The following GALNT11 variants were observed in gnomAD, a reference collection of about 807,000 sequenced individuals.
The protein encoded by GALNT11 is polypeptide N-acetylgalactosaminyltransferase 11.
A neutral mutation model predicts 72.7 loss-of-function variants in GALNT11; 47 were observed. The observed-to-expected ratio is 0.65, with a 90% CI of 0.51 to 0.82. GALNT11 has a LOEUF of 0.82. Ranked by LOEUF, GALNT11 falls within the 40% of genes least tolerant of loss-of-function variation. GALNT11 has a pLI of 0.00. For synonymous variants in GALNT11, 270 were observed against 286.6 expected (o/e 0.94, Z 0.58); for missense variants, 677 against 778.4 (o/e 0.87, Z 1.55).
intron 9 of GALNT11, 26 bp downstream of exon 9, chr7:152,117,401 G>T: frequency 6.2e-7 from 1 of 1,611,264 alleles, no homozygotes; most frequent in Non-Finnish European, 8.5e-7. Context: ...TTTCCAAGTG[G>T]CTTATGAAAA....
At chr7:152,108,982 T>C (rs963121404) in intron 6 of GALNT11, among the ~76,000 whole-genome samples, 2 of 150,792 alleles carry the variant, frequency 1.3e-5, no homozygotes, top group Non-Finnish European at 2.9e-5. Flanking sequence ...CCCAATTTAT[T>C]TGTTATTGTT....
rs1489497795 is a variant in GALNT11 at position 152,025,705 on chromosome 7, G to T, written c.-218G>T. The T allele has an allele frequency of 6.6e-6, 1 of 150,424 alleles. No individual in the cohort carries two copies. Among genetic ancestry groups the T allele is most frequent in the Non-Finnish European group, 1.5e-5 (1 of 67,434 alleles). The allele number at this position is 150,424 out of a possible 1,614,324, so 9.3% of individuals were successfully genotyped here. A position where few individuals can be genotyped will look rare whatever the true frequency, so the allele number is the denominator to read the frequency against. On this transcript the variant is annotated 5_prime_UTR_variant, in exon 1 of 12. Coordinates refer to ENST00000430044, the MANE Select transcript of GALNT11 (RefSeq NM_022087.4). ...GCAGCGGCTCGGGGACTGGGCGAGG[G>T]CCCTGGGCCTGAGGAGGCGCGGCCG... is the stretch of plus-strand genomic sequence containing the variant.
Position 152,025,839 on chromosome 7 carries a change from C to T in GALNT11, c.-84C>T, listed in dbSNP as rs2081978476. The T allele has an allele frequency of 7.0e-6, 2 of 284,246 alleles. No individual in the cohort carries two copies. The highest frequency in any genetic ancestry group is 4.5e-5 in the African/African-American group (2 of 44,438). 17.6% of individuals were successfully genotyped at this position (284,246 alleles called of 1,614,324 possible). ...GGCTGTGGCGGGAGAGAAGATGCCG[C>T]AGCCCGAGTCCCAGAAGGCGGCGAT... is the stretch of plus-strand genomic sequence containing the variant. On this transcript the variant is annotated 5_prime_UTR_variant, in exon 1 of 12. It introduces an in-frame stop codon into an upstream open reading frame of the 5' UTR. Coordinates refer to ENST00000430044, the MANE Select transcript of GALNT11 (RefSeq NM_022087.4).
At chr7:152,082,549 C>T (rs998660220) in intron 1 of GALNT11, among the ~76,000 whole-genome samples, 2 of 152,248 alleles carry the variant, frequency 1.3e-5, no homozygotes, top group Admixed American at 6.5e-5. Flanking sequence ...TGACCTAATG[C>T]TTGCTTGGAC....
chr7:152,113,811 A>ACTG (rs1024286980), intron 8 of GALNT11, among the ~76,000 whole-genome samples: 1 of 136,968 alleles, frequency 7.3e-6, no homozygotes, highest in Non-Finnish European at 1.5e-5. Flanking sequence ...ATCACGGCTC[A>ACTG]CTGCAGCCTC....
At chr7:152,041,593 C>T (rs2082862072) in intron 1 of GALNT11, among the ~76,000 whole-genome samples, 1 of 152,176 alleles carries the variant, frequency 6.6e-6, no homozygotes, top group South Asian at 2.1e-4. Context: ...GAAAAATTAG[C>T]AAATCTAGAG....
intron 8 of GALNT11, among the ~76,000 whole-genome samples, chr7:152,116,332 C>T (rs1292589290): frequency 6.6e-6 from 1 of 152,122 alleles, no homozygotes; most frequent in East Asian, 1.9e-4. Flanking sequence ...TTCACTGCAA[C>T]CTCCACCTCC....
chr7:152,056,686 G>A (rs2083697265), intron 1 of GALNT11, among the ~76,000 whole-genome samples: 1 of 152,128 alleles, frequency 6.6e-6, no homozygotes, highest in South Asian at 2.1e-4. Flanking sequence ...CCATGAGAAT[G>A]GACTCTGGAG....
At chr7:152,104,131 C>G (rs899271431) in intron 4 of GALNT11, 1 of 152,224 alleles carries the variant, frequency 6.6e-6, no homozygotes, top group South Asian at 2.1e-4. Context: ...TCATTCAGCT[C>G]TCAGTGACCT....
chr7:152,055,871 CAA>C (rs1167449847), intron 1 of GALNT11, among the ~76,000 whole-genome samples: 1 of 151,960 alleles, frequency 6.6e-6, no homozygotes, highest in African/African-American at 2.4e-5. Flanking sequence ...GAAATAATAT[CAA>C]GAGATCTTGT....
intron 1 of GALNT11, among the ~76,000 whole-genome samples, chr7:152,062,746 C>T (rs1027278964): frequency 5.9e-5 from 9 of 151,934 alleles, no homozygotes; most frequent in African/African-American, 7.3e-5. Flanking sequence ...GTCTTTGTTC[C>T]GTTTATATGG....
At chr7:152,046,185 A>G (rs1306326376) in intron 1 of GALNT11, among the ~76,000 whole-genome samples, 1 of 152,126 alleles carries the variant, frequency 6.6e-6, no homozygotes, top group Non-Finnish European at 1.5e-5. Context: ...TTGAATTTTT[A>G]AAAACTTGCT....
At position 152,044,302 on chromosome 7, in the gene GALNT11, G is replaced by A. The variant is rs527693946; in HGVS notation, c.-39+18418G>A. 2.6e-5 allele frequency among the ~76,000 whole-genome samples: 4 copies of A among 152,332 alleles called. No individual in the cohort carries two copies. The South Asian group carries it at 8.3e-4, about 32-fold the overall frequency. ...GGCTCTGGCTGGTTACCTGCAGCATGAACTTGTCCTTAAGGCACAGCTCGC... is the reference window on the plus strand; with the variant it reads ...GGCTCTGGCTGGTTACCTGCAGCATAAACTTGTCCTTAAGGCACAGCTCGC... On this transcript the variant is annotated intron_variant, in intron 1 of 11. Transcript: ENST00000430044.
chr7:152,079,352 G>A (rs1456456399), intron 1 of GALNT11: 1 of 152,192 alleles, frequency 6.6e-6, no homozygotes, highest in Non-Finnish European at 1.5e-5. Flanking sequence ...AAGAATAACA[G>A]CCTCTACCAT....
chr7:152,101,774 C>T (rs1018442167), intron 3 of GALNT11, among the ~76,000 whole-genome samples: 5 of 151,996 alleles, frequency 3.3e-5, no homozygotes, highest in African/African-American at 9.7e-5. Context: ...GCTAGGACTA[C>T]AGGCGTGCAC....
intron 1 of GALNT11, among the ~76,000 whole-genome samples, chr7:152,049,161 G>A (rs78237073): frequency 0.012 from 1,760 of 152,096 alleles, 36 homozygotes; most frequent in African/African-American, 0.041. Flanking sequence ...CATGTTTTCC[G>A]GAATCATCTT....
intron 1 of GALNT11, among the ~76,000 whole-genome samples, chr7:152,040,038 A>T (rs1051404938): frequency 1.3e-5 from 2 of 152,026 alleles, no homozygotes. Context: ...CATTCTTTCC[A>T]CTATGGCTTG....
Position 152,039,966 on chromosome 7 carries a change from G to A in GALNT11, c.-39+14082G>A, listed in dbSNP as rs139648983. Among the ~76,000 whole-genome samples, 693 of 152,050 alleles carry A rather than the reference G, an allele frequency of 4.6e-3. 7 individuals are homozygous for A. Among genetic ancestry groups the A allele is most frequent in the African/African-American group, 0.016 (655 of 41,472 alleles). ...AAGAATGCTAGATTCAATTGTATGC[G>A]GGCTGTCCTGTAATCCATTTCCCCC... On this transcript the variant is annotated intron_variant, in intron 1 of 11. Transcript: ENST00000430044.
At chr7:152,052,606 T>C (rs1651928970) in intron 1 of GALNT11, among the ~76,000 whole-genome samples, 1 of 152,194 alleles carries the variant, frequency 6.6e-6, no homozygotes, top group African/African-American at 2.4e-5. Flanking sequence ...TATAAATCTT[T>C]GTGGCACCTC....
Sources: allele counts gnomAD v4.1 joint callset (sites outside exome capture counted in the v4.1 genomes callset), GRCh38; gene constraint gnomAD v4.1.1; transcripts MANE v1.5; gene names NCBI Gene and HGNC (gene_info 2026-07-23, HGNC 2026-07-21).